The following DDHD1 variants were observed in gnomAD, a reference collection of about 807,000 sequenced individuals.
The protein encoded by DDHD1 is phospholipase DDHD1.
Under a neutral mutation model 96.4 loss-of-function variants are expected in DDHD1, and 49 were observed. That is an observed-to-expected ratio of 0.51 (90% CI 0.40 to 0.64). The LOEUF (loss-of-function observed/expected upper bound fraction) is 0.64. DDHD1 is among the 30% of genes least tolerant of loss of function. DDHD1 has a pLI of 0.00. For synonymous variants in DDHD1, 442 were observed against 446.5 expected, an observed-to-expected ratio of 0.99 and a Z score of 0.13; for missense variants, 1,106 against 1,161.2, an observed-to-expected ratio of 0.95 and a Z score of 0.69.
chr14:53,095,522 T>C (rs919143763), intron 2 of DDHD1, among the ~76,000 whole-genome samples: 1 of 152,196 alleles, frequency 6.6e-6, no homozygotes. Context: ...TTCAGAAGTT[T>C]ATGAAAAACC....
intron 4 of DDHD1, among the ~76,000 whole-genome samples, chr14:53,075,454 CTG>C (rs2139925376): frequency 6.6e-6 from 1 of 152,220 alleles, no homozygotes; most frequent in East Asian, 1.9e-4. Context: ...TTCTAAAAGA[CTG>C]AGAGGGGCAA....
intron 1 of DDHD1, among the ~76,000 whole-genome samples, chr14:53,141,594 A>T (rs1890644574): frequency 6.6e-6 from 1 of 152,254 alleles, no homozygotes; most frequent in Non-Finnish European, 1.5e-5. Flanking sequence ...TTAGAAATTA[A>T]CAACACAGGT....
rs1881644228 is a variant in DDHD1, at chr14:53,041,460, G to T, written c.*5308C>A. 1 of 152,066 alleles carries T rather than the reference G, an allele frequency of 6.6e-6. No individual in the cohort carries two copies. The highest frequency in any genetic ancestry group is 1.5e-5 in the Non-Finnish European group (1 of 68,002). The allele number at this position is 152,066 out of a possible 1,614,324, so 9.4% of individuals were successfully genotyped here. ...CTTCTCATAGTCTCCAAAAAGGATA[G>T]TACTTAAATTTTAAATTTCTGAGTT... On this transcript the variant is annotated 3_prime_UTR_variant, in exon 13 of 13. Coordinates refer to ENST00000673822, the MANE Select transcript of DDHD1 (RefSeq NM_001160148.2).
chr14:53,107,632 A>T (rs1217220010), intron 1 of DDHD1, among the ~76,000 whole-genome samples: 3 of 152,186 alleles, frequency 2.0e-5, no homozygotes, highest in Admixed American at 6.5e-5. Flanking sequence ...CTTTACTAAA[A>T]ATACAAAAAT....
Position 53,045,934 on chromosome 14 carries a change from A to C in DDHD1, c.*834T>G, listed in dbSNP as rs1231566046. 1 of 152,232 alleles carries C rather than the reference A, an allele frequency of 6.6e-6. No individual in the cohort carries two copies. The highest frequency in any genetic ancestry group is 2.4e-5 in the African/African-American group (1 of 41,462). 9.4% of individuals were successfully genotyped at this position (152,232 alleles called of 1,614,324 possible). A position where few individuals can be genotyped will look rare whatever the true frequency, so the allele number is the denominator to read the frequency against. Reference sequence around the variant, plus strand: ...AGCTAATGAAATGTACCCATTATGGAGTACTCCGTGTCAAGTTTAGAGAAA... The same window carrying C: ...AGCTAATGAAATGTACCCATTATGGCGTACTCCGTGTCAAGTTTAGAGAAA... On this transcript the variant is annotated 3_prime_UTR_variant, in exon 13 of 13. Transcript: ENST00000673822.
intron 12 of DDHD1, among the ~76,000 whole-genome samples, chr14:53,051,389 T>C (rs772560667): frequency 2.0e-5 from 3 of 151,988 alleles, no homozygotes; most frequent in Non-Finnish European, 4.4e-5. Flanking sequence ...ATTAAATATC[T>C]GTGTTGAAAG....
chr14:53,142,460 CAAA>C (rs745636721), intron 1 of DDHD1, among the ~76,000 whole-genome samples: 1 of 72,052 alleles, frequency 1.4e-5, no homozygotes. Context: ...GCCGGCATGG[CAAA>C]AAAAAAAAAA....
chr14:53,084,664 T>C (rs1231902448), intron 4 of DDHD1, among the ~76,000 whole-genome samples: 2 of 152,186 alleles, frequency 1.3e-5, no homozygotes, highest in Non-Finnish European at 2.9e-5. Context: ...TTTTCCAAGA[T>C]GGTCAAATAG....
At chr14:53,108,920 T>C (rs891555510) in intron 1 of DDHD1, among the ~76,000 whole-genome samples, 1 of 152,226 alleles carries the variant, frequency 6.6e-6, no homozygotes, top group Non-Finnish European at 1.5e-5. Context: ...GGGAGAAGTT[T>C]TATCAACTGA....
intron 1 of DDHD1, among the ~76,000 whole-genome samples, chr14:53,113,251 T>A (rs1034813005): frequency 1.3e-5 from 2 of 151,816 alleles, no homozygotes; most frequent in South Asian, 4.2e-4. Context: ...TACAGGCATA[T>A]GCCACGACGC....
intron 6 of DDHD1, 36 bp downstream of exon 6, chr14:53,072,561 A>C (rs774130663): frequency 1.5e-6 from 2 of 1,299,830 alleles, no homozygotes; most frequent in Non-Finnish European, 1.1e-6. Context: ...GCTATCACTA[A>C]AAAATACCCA....
At chr14:53,116,140 A>C (rs1055168130) in intron 1 of DDHD1, among the ~76,000 whole-genome samples, 1 of 152,248 alleles carries the variant, frequency 6.6e-6, no homozygotes, top group Non-Finnish European at 1.5e-5. Flanking sequence ...GACATTACAT[A>C]ATGGTAAAGG....
intron 6 of DDHD1, among the ~76,000 whole-genome samples, chr14:53,067,367 C>T (rs1453354119): frequency 2.6e-5 from 4 of 151,934 alleles, no homozygotes; most frequent in Non-Finnish European, 5.9e-5. Flanking sequence ...CCATGTTGGC[C>T]AGGCTGGTCT....
rs748194788 is a variant in DDHD1 at position 53,152,394 on chromosome 14, G to A, written c.705C>T (p.Cys235=). The change falls in exon 1 of 13, where the codon TGC becomes TGT. Residue 235 remains cysteine (C), a synonymous_variant. Transcript: ENST00000673822. ...SGEDDDEDRA[C]GFCQSTTGHE... is the part of the protein sequence containing the mutation. ...GCCCCGTCGTACTCTGGCAGAAGCC[G>A]CAGGCGCGGTCCTCATCGTCATCTT... 28 of 1,613,808 alleles carry A rather than the reference G, an allele frequency of 1.7e-5. No homozygotes were observed. The South Asian group carries it at 2.9e-4, about 16-fold the overall frequency.
chr14:53,128,993 T>C (rs181609991), intron 1 of DDHD1, among the ~76,000 whole-genome samples: 5 of 152,284 alleles, frequency 3.3e-5, no homozygotes, highest in Admixed American at 3.3e-4. Context: ...CCCTTGAGAA[T>C]GTACTTTGTG....
At chr14:53,123,466 A>T (rs1352970156) in intron 1 of DDHD1, among the ~76,000 whole-genome samples, 69 of 152,156 alleles carry the variant, frequency 4.5e-4, no homozygotes, top group Non-Finnish European at 4.4e-5. Flanking sequence ...TAATTATTAC[A>T]GCAATGTTTG....
chr14:53,124,687 C>T (rs1889300333), intron 1 of DDHD1, among the ~76,000 whole-genome samples: 1 of 152,130 alleles, frequency 6.6e-6, no homozygotes, highest in Non-Finnish European at 1.5e-5. Flanking sequence ...ATTCAAGAAA[C>T]AAGGCTGTAA....
At chr14:53,125,007 T>G (rs1255412674) in intron 1 of DDHD1, among the ~76,000 whole-genome samples, 1 of 152,136 alleles carries the variant, frequency 6.6e-6, no homozygotes, top group Non-Finnish European at 1.5e-5. Context: ...CGTGTCTCTG[T>G]GTGCCCAAAT....
At chr14:53,062,812 T>C (rs567230863) in intron 7 of DDHD1, 131 bp downstream of exon 7, 1 of 889,194 alleles carries the variant, frequency 1.1e-6, no homozygotes, top group South Asian at 1.9e-5. Flanking sequence ...TGATTAGGCA[T>C]GCTATATAGT....
Sources: gnomAD v4.1 joint callset for allele counts (sites outside exome capture counted in the v4.1 genomes callset) on GRCh38, gnomAD v4.1.1 for gene constraint, MANE v1.5 for transcripts, NCBI Gene and HGNC (gene_info 2026-07-23, HGNC 2026-07-21) for gene names.